Variants in RAPGEF4 observed in about 807,000 individuals in gnomAD.
The protein encoded by RAPGEF4 is Rap guanine nucleotide exchange factor 4, also known as RAP guanine-nucleotide-exchange factor (GEF) 4.
A neutral mutation model predicts 147.9 loss-of-function variants in RAPGEF4; 66 were observed. The observed-to-expected ratio is 0.45, with a 90% CI of 0.37 to 0.55. RAPGEF4 has a LOEUF of 0.55. Among genes scored for constraint, RAPGEF4 ranks in the 20% least tolerant of loss-of-function variants. The pLI is 0.00. For synonymous variants in RAPGEF4, 419 were observed against 442.7 expected, an observed-to-expected ratio of 0.95 and a Z score of 0.67; for missense variants, 1,071 against 1,257.3, an observed-to-expected ratio of 0.85 and a Z score of 2.24.
intron 4 of RAPGEF4, among the ~76,000 whole-genome samples, chr2:172,817,383 G>A (rs964108177): frequency 1.3e-5 from 2 of 152,100 alleles, no homozygotes; most frequent in Admixed American, 6.5e-5. Flanking sequence ...TAACCAGAAC[G>A]CCTATTCCTT....
chr2:172,820,520 T>C (rs1466602096), intron 4 of RAPGEF4, among the ~76,000 whole-genome samples: 1 of 152,192 alleles, frequency 6.6e-6, no homozygotes, highest in East Asian at 1.9e-4. Flanking sequence ...GACATGCTAT[T>C]GTGATTTTAT....
chr2:172,797,766 G>A (rs1264937849), intron 3 of RAPGEF4, among the ~76,000 whole-genome samples, 153 bp downstream of exon 3: 1 of 152,044 alleles, frequency 6.6e-6, no homozygotes, highest in African/African-American at 2.4e-5. Flanking sequence ...CCTTTATTAA[G>A]TTACTCAACA....
At chr2:172,906,328 C>G (rs569390389) in intron 4 of RAPGEF4, among the ~76,000 whole-genome samples, 28 of 152,292 alleles carry the variant, frequency 1.8e-4, no homozygotes, top group African/African-American at 6.5e-4. Context: ...ATCCCCAGAA[C>G]AGTCCTGTGT....
chr2:172,744,449 G>A (rs772467112), intron 1 of RAPGEF4: 38 of 456,312 alleles, frequency 8.3e-5, no homozygotes, highest in African/African-American at 5.8e-4. Context: ...CAAACGTTGC[G>A]TGGTCATCTC....
intron 11 of RAPGEF4, 89 bp from the exon 12 acceptor site, chr2:172,985,344 T>C: frequency 6.3e-7 from 1 of 1,588,666 alleles, no homozygotes; most frequent in Middle Eastern, 1.7e-4. Flanking sequence ...CCCGGGACAG[T>C]TTGCATTGTG....
chr2:172,929,659 C>T (rs1222980534), intron 6 of RAPGEF4, among the ~76,000 whole-genome samples: 2 of 152,198 alleles, frequency 1.3e-5, no homozygotes, highest in Admixed American at 1.3e-4. Flanking sequence ...CCACTGCTTG[C>T]TTGAAAATCT....
At chr2:172,965,818 A>T in intron 9 of RAPGEF4, 135 bp downstream of exon 9, 1 of 1,093,222 alleles carries the variant, frequency 9.1e-7, no homozygotes, top group South Asian at 1.5e-5. Context: ...TAGCATCTTC[A>T]TTTAGCAATA....
At chr2:172,905,762 G>A (rs1238100928) in intron 4 of RAPGEF4, among the ~76,000 whole-genome samples, 1 of 152,188 alleles carries the variant, frequency 6.6e-6, no homozygotes, top group African/African-American at 2.4e-5. Context: ...GCAGAATTTT[G>A]CTTCCACGTA....
chr2:173,046,960 T>A (rs973705780), intron 29 of RAPGEF4, among the ~76,000 whole-genome samples: 33 of 152,318 alleles, frequency 2.2e-4, no homozygotes, highest in African/African-American at 6.7e-4. Flanking sequence ...TTTCTCAAAG[T>A]CATTTTCTTA....
chr2:172,749,400 G>A (rs1695060706), intron 1 of RAPGEF4, among the ~76,000 whole-genome samples: 1 of 152,232 alleles, frequency 6.6e-6, no homozygotes. Context: ...TCAACACCAT[G>A]TGGAAGCTGC....
intron 1 of RAPGEF4, among the ~76,000 whole-genome samples, chr2:172,740,270 T>G (rs903520415): frequency 2.0e-5 from 3 of 152,234 alleles, no homozygotes; most frequent in Non-Finnish European, 4.4e-5. Flanking sequence ...GAGTTCACAG[T>G]GTTTGGTTTC....
At chr2:172,832,710 A>G (rs1315021842) in intron 4 of RAPGEF4, among the ~76,000 whole-genome samples, 3 of 152,218 alleles carry the variant, frequency 2.0e-5, no homozygotes, top group African/African-American at 7.2e-5. Flanking sequence ...AACTGTTTTC[A>G]TTTTGCTTCT....
intron 7 of RAPGEF4, 80 bp from the exon 8 acceptor site, chr2:172,961,042 G>T: frequency 9.0e-7 from 1 of 1,112,124 alleles, no homozygotes; most frequent in South Asian, 1.3e-5. Flanking sequence ...ATTGGAAAGT[G>T]GTTTCAGGAT....
At chr2:172,936,448 T>C (rs1319014952) in intron 6 of RAPGEF4, among the ~76,000 whole-genome samples, 2 of 152,202 alleles carry the variant, frequency 1.3e-5, no homozygotes, top group African/African-American at 4.8e-5. Flanking sequence ...TGTATACAAA[T>C]AGAAACAAAA....
At chr2:172,801,066 T>C (rs955584696) in intron 3 of RAPGEF4, among the ~76,000 whole-genome samples, 4 of 152,152 alleles carry the variant, frequency 2.6e-5, no homozygotes, top group African/African-American at 9.7e-5. Context: ...ATTAACTGAA[T>C]TAATCTTTAG....
chr2:172,801,851 A>T (rs916059851), intron 3 of RAPGEF4, among the ~76,000 whole-genome samples: 2 of 152,048 alleles, frequency 1.3e-5, no homozygotes. Context: ...TGGGTGTCTG[A>T]TGCAGCTCTG....
intron 4 of RAPGEF4, among the ~76,000 whole-genome samples, chr2:172,853,141 A>C (rs1693045579): frequency 6.6e-6 from 1 of 152,044 alleles, no homozygotes. Context: ...TATCAGGATT[A>C]TGCTGGCTTC....
At chr2:172,879,924 G>T (rs1013837882) in intron 4 of RAPGEF4, among the ~76,000 whole-genome samples, 1 of 152,206 alleles carries the variant, frequency 6.6e-6, no homozygotes, top group Non-Finnish European at 1.5e-5. Context: ...AACCAAAGGT[G>T]GGTGGTACAA....
At chr2:172,787,806 A>T (rs1685373813) in intron 1 of RAPGEF4, among the ~76,000 whole-genome samples, 1 of 151,830 alleles carries the variant, frequency 6.6e-6, no homozygotes, top group South Asian at 2.1e-4. Flanking sequence ...TTTTTGTAGA[A>T]ATGTAGTTTT....
Sources: allele counts gnomAD v4.1 joint callset (sites outside exome capture counted in the v4.1 genomes callset), GRCh38; gene constraint gnomAD v4.1.1; transcripts MANE v1.5; gene names NCBI Gene and HGNC (gene_info 2026-07-23, HGNC 2026-07-21).